Variants in MTM1 observed in about 807,000 individuals in gnomAD.
The protein encoded by MTM1 is myotubularin 1, also known as myotubularin.
In MTM1, 9 loss-of-function variants were observed where a neutral mutation model predicts 52.1. The observed-to-expected ratio is 0.17, with a 90% CI of 0.10 to 0.30. MTM1 has a LOEUF of 0.30. MTM1 is among the 10% of genes least tolerant of loss of function. The probability of loss-of-function intolerance (pLI) is 1.00; values close to 1 mark genes in which losing one functional copy is unlikely to be tolerated. For missense variants in MTM1, 277 were observed against 470.7 expected (o/e 0.59, Z 3.81); for synonymous variants, 136 against 163.8 (o/e 0.83, Z 1.29).
At chrX:150,647,194 A>AATATATAT (rs59931479) in intron 9 of MTM1, among the ~76,000 whole-genome samples, 2,271 of 83,672 alleles carry the variant, frequency 0.027, 47 homozygotes, top group South Asian at 0.04. Flanking sequence ...TTTCAGGGTG[A>AATATATAT]ATATATATAT....
intron 10 of MTM1, among the ~76,000 whole-genome samples, chrX:150,657,523 C>T (rs372266582): frequency 6.2e-4 from 67 of 107,665 alleles, no homozygotes; most frequent in African/African-American, 2.2e-3. Context: ...TGCTAAATGA[C>T]GAGTTAATGG....
At chrX:150,588,953 GC>G (rs2038837381) in intron 1 of MTM1, among the ~76,000 whole-genome samples, 1 of 111,612 alleles carries the variant, frequency 9.0e-6, no homozygotes, top group Non-Finnish European at 1.9e-5. Context: ...ATCCTTAATT[GC>G]CCAGTTCATT....
intron 6 of MTM1, among the ~76,000 whole-genome samples, chrX:150,629,802 C>T (rs781798983): frequency 3.6e-5 from 4 of 111,725 alleles, no homozygotes; most frequent in African/African-American, 6.5e-5. Context: ...CTTCAGCTAC[C>T]TCATTGCCCT....
At chrX:150,607,885 A>G (rs915173398) in intron 4 of MTM1, among the ~76,000 whole-genome samples, 3 of 111,797 alleles carry the variant, frequency 2.7e-5, no homozygotes, top group African/African-American at 9.8e-5. Context: ...AGTCACGCCA[A>G]TATATAATAA....
chrX:150,611,414 T>C (rs1368517151), intron 4 of MTM1, among the ~76,000 whole-genome samples: 1 of 112,429 alleles, frequency 8.9e-6, no homozygotes, highest in Non-Finnish European at 1.9e-5. Flanking sequence ...AGGATTCAGA[T>C]TGAGCCAGTT....
chrX:150,633,490 C>T (rs782432097), intron 6 of MTM1, among the ~76,000 whole-genome samples: 4 of 112,063 alleles, frequency 3.6e-5, no homozygotes, highest in Admixed American at 9.4e-5. Context: ...CATATCAGTA[C>T]GTCCTATGGT....
At chrX:150,585,689 T>C (rs181205107) in intron 1 of MTM1, among the ~76,000 whole-genome samples, 1 of 112,148 alleles carries the variant, frequency 8.9e-6, no homozygotes, top group Non-Finnish European at 1.9e-5. Context: ...TTTAAAACTT[T>C]GTTTACTGGC....
chrX:150,629,692 T>A (rs2039631648), intron 6 of MTM1, among the ~76,000 whole-genome samples: 1 of 112,521 alleles, frequency 8.9e-6, no homozygotes, highest in African/African-American at 3.2e-5. Context: ...CAATAAATAT[T>A]TACTTTTTAA....
intron 4 of MTM1, among the ~76,000 whole-genome samples, chrX:150,612,175 A>C (rs2039292510): frequency 9.5e-6 from 1 of 105,308 alleles, no homozygotes. Context: ...TGGGTGATGG[A>C]GTGAGGTCCT....
intron 14 of MTM1, among the ~76,000 whole-genome samples, chrX:150,669,042 C>T (rs2040353059): frequency 9.0e-6 from 1 of 110,870 alleles, no homozygotes; most frequent in Non-Finnish European, 1.9e-5. Flanking sequence ...CCCCCCACTC[C>T]CCAACAGGCC....
chrX:150,640,677 A>G (rs2039832696), intron 7 of MTM1, among the ~76,000 whole-genome samples: 1 of 111,727 alleles, frequency 9.0e-6, no homozygotes, highest in South Asian at 3.8e-4. Flanking sequence ...CACACAAACT[A>G]TAGGGCAATC....
chrX:150,662,919 A>G (rs992440028), intron 13 of MTM1, among the ~76,000 whole-genome samples: 2 of 111,866 alleles, frequency 1.8e-5, no homozygotes, highest in East Asian at 2.8e-4. Flanking sequence ...AGTTATCCAG[A>G]TGTTTTCAAA....
chrX:150,619,171 G>A, intron 6 of MTM1, 32 bp downstream of exon 6: 1 of 1,018,196 alleles, frequency 9.8e-7, no homozygotes, highest in Middle Eastern at 2.5e-4. Context: ...AGCGTGGGAA[G>A]GTTCTCAGTG....
chrX:150,656,864 A>G (rs2040124380), intron 10 of MTM1, among the ~76,000 whole-genome samples: 1 of 112,508 alleles, frequency 8.9e-6, no homozygotes, highest in Admixed American at 9.4e-5. Flanking sequence ...CAGCAGACAC[A>G]TGAAAAACTG....
chrX:150,569,957 A>G (rs782423053), intron 1 of MTM1, among the ~76,000 whole-genome samples: 1 of 111,531 alleles, frequency 9.0e-6, no homozygotes, highest in East Asian at 2.8e-4. Context: ...ACCATGGGGG[A>G]GATTTGAACC....
the MTM1 span, among the ~76,000 whole-genome samples, chrX:150,562,837 C>T: frequency 9.0e-6 from 1 of 111,567 alleles, no homozygotes; most frequent in Middle Eastern, 4.6e-3. Flanking sequence ...CAATAGCAGT[C>T]TCGTCTGCCC....
intron 6 of MTM1, among the ~76,000 whole-genome samples, chrX:150,627,132 T>G (rs782161826): frequency 9.0e-6 from 1 of 111,680 alleles, no homozygotes; most frequent in South Asian, 3.8e-4. Context: ...CATAACTCAT[T>G]GCAATCAGTC....
chrX:150,613,379 AACTT>A (rs1169206289), intron 4 of MTM1, among the ~76,000 whole-genome samples: 2 of 111,177 alleles, frequency 1.8e-5, no homozygotes, highest in African/African-American at 6.5e-5. Flanking sequence ...TTCCCACTTA[AACTT>A]ACTTTTCCAT....
At chrX:150,593,497 A>G (rs2038922244) in intron 2 of MTM1, among the ~76,000 whole-genome samples, 1 of 112,044 alleles carries the variant, frequency 8.9e-6, no homozygotes, top group African/African-American at 3.2e-5. Flanking sequence ...AAAGGAAGGG[A>G]TTAATTTAAA....
Sources: gnomAD v4.1 joint callset for allele counts (sites outside exome capture counted in the v4.1 genomes callset) on GRCh38, gnomAD v4.1.1 for gene constraint, MANE v1.5 for transcripts, NCBI Gene and HGNC (gene_info 2026-07-23, HGNC 2026-07-21) for gene names.